KRTAP8-1: variants seen among roughly 807,000 people sequenced by gnomAD.
KRTAP8-1 encodes keratin associated protein 8-1, also known as keratin-associated protein 8-1.
Under a neutral mutation model 5.5 loss-of-function variants are expected in KRTAP8-1, and 4 were observed. The observed-to-expected ratio is 0.73, with a 90% CI of 0.36 to 1.67. The LOEUF is 1.67. KRTAP8-1 is among the 40% of genes most tolerant of loss of function. The pLI, the probability that KRTAP8-1 is intolerant of heterozygous loss-of-function variation, is 0.05. For missense variants in KRTAP8-1, 79 were observed against 80.3 expected (o/e 0.98, Z 0.06); for synonymous variants, 35 against 34.6 (o/e 1.01, Z -0.04).
chr21:30,813,261 T>C lies in KRTAP8-1; in HGVS notation c.-41A>G. 1 of 1,597,106 alleles carries C rather than the reference T, an allele frequency of 6.3e-7. No individual in the cohort carries two copies. Among genetic ancestry groups the C allele is most frequent in the Admixed American group, 1.7e-5 (1 of 59,180 alleles). ...GGGCTTAGGTAGCAACAGAGTGCGTTTCCTCAGTGGGATGGATTCCTAGTC... is the reference window on the plus strand; with the variant it reads ...GGGCTTAGGTAGCAACAGAGTGCGTCTCCTCAGTGGGATGGATTCCTAGTC... On this transcript the variant is annotated 5_prime_UTR_variant, in exon 1 of 1. Coordinates refer to ENST00000329621, the MANE Select transcript of KRTAP8-1 (RefSeq NM_175857.4).
At position 30,813,061 on chromosome 21, in the gene KRTAP8-1, A is replaced by G. The variant is rs773053463; in HGVS notation, c.160T>C (p.Tyr54His). Residue 54 changes from tyrosine to histidine, a missense_variant, in exon 1 of 1, where the codon TAC (tyrosine) becomes CAC (histidine). Transcript: ENST00000329621. ...YGYNGCGAFG[Y>H]RRYSPFALY ...AGAGCAAATGGCGAGTATCTCCTGT[A>G]GCCGAAAGCCCCACAGCCGTTGTAG... 4.3e-6 allele frequency: 7 copies of G among 1,614,010 alleles called. No individual in the cohort carries two copies. The South Asian group carries it at 4.4e-5, about 10-fold the overall frequency.
chr21:30,813,001 G>C lies in KRTAP8-1; in HGVS notation c.*28C>G, dbSNP rs773141436. ...GGGGCTCAGCCTTCAAGGGAGAGAAGATGCTACACCTCGGGGATTTCAGCC... is the reference window on the plus strand; with the variant it reads ...GGGGCTCAGCCTTCAAGGGAGAGAACATGCTACACCTCGGGGATTTCAGCC... On this transcript the variant is annotated 3_prime_UTR_variant, in exon 1 of 1. Transcript: ENST00000329621. The C allele has an allele frequency of 3.7e-6, 6 of 1,603,480 alleles. No individual in the cohort carries two copies. Among genetic ancestry groups the C allele is most frequent in the Non-Finnish European group, 4.3e-6 (5 of 1,173,988 alleles).
Position 30,812,918 on chromosome 21 carries a change from T to G in KRTAP8-1, c.*111A>C. The G allele has an allele frequency of 9.5e-7, 1 of 1,047,836 alleles. No homozygotes were observed. The highest frequency in any genetic ancestry group is 1.4e-6 in the Non-Finnish European group (1 of 732,014). The allele number at this position is 1,047,836 out of a possible 1,614,324, so 64.9% of individuals were successfully genotyped here. A position where few individuals can be genotyped will look rare whatever the true frequency, so the allele number is the denominator to read the frequency against. On this transcript the variant is annotated 3_prime_UTR_variant, in exon 1 of 1. Transcript: ENST00000329621. ...GAGGTAAGTTGGAAAGCAGTGTCTC[T>G]GAGGTTGATGAGCAAATGAGGACTG...
rs1892667 is a variant in KRTAP8-1 at position 30,812,787 on chromosome 21, T to A, written c.*242A>T. 1.5e-4 allele frequency: 61 copies of A among 413,286 alleles called. 1 individual carries two copies. In the Middle Eastern group the frequency reaches 3.2e-3, roughly 22 times the overall value. The allele number at this position is 413,286 out of a possible 1,614,324, so 25.6% of individuals were successfully genotyped here. A position where few individuals can be genotyped will look rare whatever the true frequency, so the allele number is the denominator to read the frequency against. On this transcript the variant is annotated 3_prime_UTR_variant, in exon 1 of 1. Coordinates refer to ENST00000329621, the MANE Select transcript of KRTAP8-1 (RefSeq NM_175857.4). ...GTGTCATGGAAAATTCAAAAGTAGC[T>A]CATGACAAGTGGGAGGTCAAATTTC...
rs1372915392 is a variant in KRTAP8-1, at chr21:30,812,976, G to A, written c.*53C>T. The A allele has an allele frequency of 6.4e-7, 1 of 1,552,680 alleles. No individual in the cohort carries two copies. Among genetic ancestry groups the A allele is most frequent in the African/African-American group, 1.4e-5 (1 of 73,492 alleles). ...GGATACGGGGGGAACCTGGAGATGT[G>A]GGGCTCAGCCTTCAAGGGAGAGAAG... On this transcript the variant is annotated 3_prime_UTR_variant, in exon 1 of 1. Coordinates refer to ENST00000329621, the MANE Select transcript of KRTAP8-1 (RefSeq NM_175857.4).
In KRTAP8-1 at chr21:30,813,262, T is replaced by G. The variant is rs746540141; in HGVS notation, c.-42A>C. On this transcript the variant is annotated 5_prime_UTR_variant, in exon 1 of 1. Transcript: ENST00000329621. ...GGCTTAGGTAGCAACAGAGTGCGTT[T>G]CCTCAGTGGGATGGATTCCTAGTCT... 2 of 1,593,874 alleles carry G rather than the reference T, an allele frequency of 1.3e-6. No homozygotes were observed. Among genetic ancestry groups the G allele is most frequent in the Non-Finnish European group, 8.6e-7 (1 of 1,167,122 alleles).
chr21:30,812,947 G>C lies in KRTAP8-1; in HGVS notation c.*82C>G. On this transcript the variant is annotated 3_prime_UTR_variant, in exon 1 of 1. Coordinates refer to ENST00000329621, the MANE Select transcript of KRTAP8-1 (RefSeq NM_175857.4). ...GTTGATGAGCAAATGAGGACTGAAG[G>C]AGTGGATACGGGGGGAACCTGGAGA... The C allele has an allele frequency of 7.5e-7, 1 of 1,339,346 alleles. No individual in the cohort carries two copies. The highest frequency in any genetic ancestry group is 1.0e-6 in the Non-Finnish European group (1 of 964,982). 83.0% of individuals were successfully genotyped at this position (1,339,346 alleles called of 1,614,324 possible).
Position 30,813,012 on chromosome 21 carries a change from T to G in KRTAP8-1, c.*17A>C. The G allele has an allele frequency of 1.9e-6, 3 of 1,610,148 alleles. No individual in the cohort carries two copies. The highest frequency in any genetic ancestry group is 2.5e-6 in the Non-Finnish European group (3 of 1,177,748). ...TTCAAGGGAGAGAAGATGCTACACC[T>G]CGGGGATTTCAGCCAATCAGTAGAG... On this transcript the variant is annotated 3_prime_UTR_variant, in exon 1 of 1. Transcript: ENST00000329621.
Position 30,813,248 on chromosome 21 carries a change from C to T in KRTAP8-1, c.-28G>A, listed in dbSNP as rs1568945232. On this transcript the variant is annotated 5_prime_UTR_variant, in exon 1 of 1. Coordinates refer to ENST00000329621, the MANE Select transcript of KRTAP8-1 (RefSeq NM_175857.4). ...TGTCGGGAGTGGAGGGCTTAGGTAG[C>T]AACAGAGTGCGTTTCCTCAGTGGGA... 1 of 1,607,422 alleles carries T rather than the reference C, an allele frequency of 6.2e-7. No individual in the cohort carries two copies. The highest frequency in any genetic ancestry group is 1.7e-4 in the Middle Eastern group (1 of 5,900).
rs145508364 is a variant in KRTAP8-1 at position 30,812,861 on chromosome 21, G to T, written c.*168C>A. On this transcript the variant is annotated 3_prime_UTR_variant, in exon 1 of 1. Transcript: ENST00000329621. ...GCCAGGGGAGGCAGCTTGAGGAAGC[G>T]TCTGCTTTTTCATTTTCCTCCCCTG... 3 of 602,712 alleles carry T rather than the reference G, an allele frequency of 5.0e-6. No individual in the cohort carries two copies. Among genetic ancestry groups the T allele is most frequent in the South Asian group, 3.4e-5 (1 of 29,358 alleles). The allele number at this position is 602,712 out of a possible 1,614,324, so 37.3% of individuals were successfully genotyped here.
chr21:30,812,887 G>T lies in KRTAP8-1; in HGVS notation c.*142C>A. 1.4e-6 allele frequency: 1 copy of T among 714,366 alleles called. No individual in the cohort carries two copies. Among genetic ancestry groups the T allele is most frequent in the Non-Finnish European group, 2.2e-6 (1 of 465,072 alleles). The allele number at this position is 714,366 out of a possible 1,614,324, so 44.3% of individuals were successfully genotyped here. A position where few individuals can be genotyped will look rare whatever the true frequency, so the allele number is the denominator to read the frequency against. On this transcript the variant is annotated 3_prime_UTR_variant, in exon 1 of 1. Transcript: ENST00000329621. Reference sequence around the variant, plus strand: ...TCTGCTTTTTCATTTTCCTCCCCTGGGACTCGAGGTAAGTTGGAAAGCAGT... The same window carrying T: ...TCTGCTTTTTCATTTTCCTCCCCTGTGACTCGAGGTAAGTTGGAAAGCAGT...
rs1984882279 is a variant in KRTAP8-1 at position 30,812,965 on chromosome 21, C to T, written c.*64G>A. The T allele has an allele frequency of 1.3e-6, 2 of 1,513,808 alleles. No homozygotes were observed. Among genetic ancestry groups the T allele is most frequent in the Admixed American group, 1.8e-5 (1 of 55,218 alleles). 93.8% of individuals were successfully genotyped at this position (1,513,808 alleles called of 1,614,324 possible). ...ACTGAAGGAGTGGATACGGGGGGAA[C>T]CTGGAGATGTGGGGCTCAGCCTTCA... On this transcript the variant is annotated 3_prime_UTR_variant, in exon 1 of 1. Coordinates refer to ENST00000329621, the MANE Select transcript of KRTAP8-1 (RefSeq NM_175857.4).
rs1404228592 is a variant in KRTAP8-1, at chr21:30,812,786, C to T, written c.*243G>A. On this transcript the variant is annotated 3_prime_UTR_variant, in exon 1 of 1. Coordinates refer to ENST00000329621, the MANE Select transcript of KRTAP8-1 (RefSeq NM_175857.4). ...AGTGTCATGGAAAATTCAAAAGTAG[C>T]TCATGACAAGTGGGAGGTCAAATTT... is the stretch of plus-strand genomic sequence containing the variant. 4.9e-6 allele frequency: 2 copies of T among 410,198 alleles called. No homozygotes were observed. The highest frequency in any genetic ancestry group is 3.9e-5 in the Admixed American group (1 of 25,952). The allele number at this position is 410,198 out of a possible 1,614,324, so 25.4% of individuals were successfully genotyped here. A position where few individuals can be genotyped will look rare whatever the true frequency, so the allele number is the denominator to read the frequency against.
At position 30,813,047 on chromosome 21, in the gene KRTAP8-1, C is replaced by A. The variant is rs768734553; in HGVS notation, c.174G>T (p.Ser58=). The change falls in exon 1 of 1, where the codon TCG becomes TCT. Residue 58 remains serine (S), a synonymous_variant. Transcript: ENST00000329621. ...GCGAFGYRRY[S]PFALY ...CAGCCAATCAGTAGAGAGCAAATGGCGAGTATCTCCTGTAGCCGAAAGCCC... is the reference window on the plus strand; with the variant it reads ...CAGCCAATCAGTAGAGAGCAAATGGAGAGTATCTCCTGTAGCCGAAAGCCC... 3 of 1,613,794 alleles carry A rather than the reference C, an allele frequency of 1.9e-6. No homozygotes were observed. The highest frequency in any genetic ancestry group is 2.5e-6 in the Non-Finnish European group (3 of 1,179,846).
chr21:30,813,228 G>C lies in KRTAP8-1; in HGVS notation c.-8C>G. On this transcript the variant is annotated 5_prime_UTR_variant, in exon 1 of 1. Transcript: ENST00000329621. The stretch of plus-strand genomic sequence containing the variant: ...GAAGTTGTCGCAGAGCATGGTGTCG[G>C]GAGTGGAGGGCTTAGGTAGCAACAG... The C allele has an allele frequency of 6.2e-7, 1 of 1,613,290 alleles. No homozygotes were observed. Among genetic ancestry groups the C allele is most frequent in the South Asian group, 1.1e-5 (1 of 91,004 alleles).
rs1000701615 is a variant in KRTAP8-1, at chr21:30,812,853, G to A, written c.*176C>T. On this transcript the variant is annotated 3_prime_UTR_variant, in exon 1 of 1. Coordinates refer to ENST00000329621, the MANE Select transcript of KRTAP8-1 (RefSeq NM_175857.4). ...GAACATCAGCCAGGGGAGGCAGCTTGAGGAAGCGTCTGCTTTTTCATTTTC... is the reference window on the plus strand; with the variant it reads ...GAACATCAGCCAGGGGAGGCAGCTTAAGGAAGCGTCTGCTTTTTCATTTTC... 3.5e-6 allele frequency: 2 copies of A among 564,576 alleles called. No individual in the cohort carries two copies. The highest frequency in any genetic ancestry group is 3.1e-5 in the East Asian group (1 of 32,374). 35.0% of individuals were successfully genotyped at this position (564,576 alleles called of 1,614,324 possible).
rs1984890397 is a variant in KRTAP8-1 at position 30,813,126 on chromosome 21, C to T, written c.95G>A (p.Gly32Asp). 1 of 1,613,886 alleles carries T rather than the reference C, an allele frequency of 6.2e-7. No homozygotes were observed. The part of the protein sequence containing the change: ...PLGYSVGCGY[G>D]STYSPVGYGF... ...ATAGCCCACTGGAGAGTAGGTGCTG[C>T]CATAGCCACAGCCAACGCTATATCC... is the stretch of plus-strand genomic sequence containing the variant. Residue 32 changes from glycine to aspartate, a missense_variant, in exon 1 of 1, where the codon GGC becomes GAC. Transcript: ENST00000329621.
rs775196837 is a variant in KRTAP8-1, at chr21:30,813,193, C to G, written c.28G>C (p.Val10Leu). ...CTGCCCCAGTAGCATCCTGGGAAGA[C>G]AGCCCCGGGGAAGTTGTCGCAGAGC... The part of the protein sequence containing the change: MLCDNFPGA[V>L]FPGCYWGSYG... The change falls in exon 1 of 1, where the codon GTC (valine) becomes CTC (leucine). Residue 10 changes from valine (V) to leucine (L), a missense_variant. By Grantham distance (32) the Val-to-Leu change is conservative (BLOSUM62 1). Transcript: ENST00000329621. 1.2e-6 allele frequency: 2 copies of G among 1,613,940 alleles called. No individual in the cohort carries two copies. The highest frequency in any genetic ancestry group is 1.7e-6 in the Non-Finnish European group (2 of 1,179,948).
In KRTAP8-1 at chr21:30,813,047, C is replaced by T. The variant is rs768734553; in HGVS notation, c.174G>A (p.Ser58=). 6.2e-7 allele frequency: 1 copy of T among 1,613,796 alleles called. No individual in the cohort carries two copies. Among genetic ancestry groups the T allele is most frequent in the South Asian group, 1.1e-5 (1 of 91,054 alleles). ...GCGAFGYRRY[S]PFALY Reference sequence around the variant, plus strand: ...CAGCCAATCAGTAGAGAGCAAATGGCGAGTATCTCCTGTAGCCGAAAGCCC... The same window carrying T: ...CAGCCAATCAGTAGAGAGCAAATGGTGAGTATCTCCTGTAGCCGAAAGCCC... Residue 58 remains serine, a synonymous_variant, in exon 1 of 1, where the codon TCG becomes TCA. Coordinates refer to ENST00000329621, the MANE Select transcript of KRTAP8-1 (RefSeq NM_175857.4).
Sources: gnomAD v4.1 joint callset for allele counts on GRCh38, gnomAD v4.1.1 for gene constraint, MANE v1.5 for transcripts, NCBI Gene and HGNC (gene_info 2026-07-23, HGNC 2026-07-21) for gene names.